The following ZFPM2 variants were observed in gnomAD, a reference collection of about 807,000 sequenced individuals.
ZFPM2 encodes zinc finger protein, FOG family member 2.
Under a neutral mutation model 98.6 loss-of-function variants are expected in ZFPM2, and 20 were observed. The ratio of observed to expected loss-of-function variants is 0.20; its 90% confidence interval spans 0.14 to 0.29. The LOEUF (loss-of-function observed/expected upper bound fraction) is 0.29, where lower values mean the gene tolerates loss of function less well. ZFPM2 is among the 10% of genes least tolerant of loss of function. The pLI is 1.00. For missense variants in ZFPM2, 1,310 were observed against 1,388.6 expected, an observed-to-expected ratio of 0.94 and a Z score of 0.90; for synonymous variants, 518 against 502.7, an observed-to-expected ratio of 1.03 and a Z score of -0.41.
intron 4 of ZFPM2, among the ~76,000 whole-genome samples, chr8:105,583,817 A>G (rs547520860): frequency 6.6e-6 from 1 of 152,306 alleles, no homozygotes; most frequent in African/African-American, 2.4e-5. Flanking sequence ...CAGTCAGGTT[A>G]AGGGGTCAGT....
At chr8:105,756,670 T>C (rs1812604803) in intron 5 of ZFPM2, among the ~76,000 whole-genome samples, 1 of 152,172 alleles carries the variant, frequency 6.6e-6, no homozygotes, top group East Asian at 1.9e-4. Flanking sequence ...TCAATATAAC[T>C]CTTGCACAAT....
chr8:105,389,507 G>A (rs1196723243), intron 1 of ZFPM2, among the ~76,000 whole-genome samples: 1 of 152,126 alleles, frequency 6.6e-6, no homozygotes, highest in Non-Finnish European at 1.5e-5. Flanking sequence ...CCAATTAAGG[G>A]TAGATCCAAA....
chr8:105,349,751 A>G (rs1812607671), intron 1 of ZFPM2, among the ~76,000 whole-genome samples: 2 of 152,240 alleles, frequency 1.3e-5, no homozygotes, highest in Non-Finnish European at 1.5e-5. Flanking sequence ...CAAAAAATAC[A>G]TCTAACTACC....
rs567353284 is a variant in ZFPM2 at position 105,802,755 on chromosome 8, C to G, written c.2673C>G (p.Asp891Glu). 31 of 1,613,390 alleles carry G rather than the reference C, an allele frequency of 1.9e-5. 1 individual carries two copies. The Middle Eastern group carries it at 4.9e-4, about 26-fold the overall frequency. ...AGCGTAATGACCTGGGTCAACTGGACGGCAAAGTGTTTCCGAATCCAGAAA... is the reference window on the plus strand; with the variant it reads ...AGCGTAATGACCTGGGTCAACTGGAGGGCAAAGTGTTTCCGAATCCAGAAA... ...AHQRNDLGQL[D>E]GKVFPNPESE... is the part of the protein sequence containing the mutation. Residue 891 changes from aspartate (D) to glutamate (E), a missense_variant, in exon 8 of 8, where the codon GAC becomes GAG. Coordinates refer to ENST00000407775, the MANE Select transcript of ZFPM2 (RefSeq NM_012082.4).
At chr8:105,706,587 TG>T (rs1811268865) in intron 5 of ZFPM2, among the ~76,000 whole-genome samples, 1 of 152,124 alleles carries the variant, frequency 6.6e-6, no homozygotes, top group South Asian at 2.1e-4. Context: ...TTCTTGTTTT[TG>T]GGTTTTTTTT....
chr8:105,478,080 G>A (rs542970089), intron 3 of ZFPM2, among the ~76,000 whole-genome samples: 2 of 152,310 alleles, frequency 1.3e-5, no homozygotes, highest in African/African-American at 2.4e-5. Flanking sequence ...GCAACAATGA[G>A]TCATTTGACA....
rs1396817228 is a variant in ZFPM2, at chr8:105,793,778, T to C, written c.739+4854T>C. ...AGTCCCATATTTCTTGGAGGCTTTGTTTGTTTCTTTTTATTCTTTTTTCTC... is the reference window on the plus strand; with the variant it reads ...AGTCCCATATTTCTTGGAGGCTTTGCTTGTTTCTTTTTATTCTTTTTTCTC... On this transcript the variant is annotated intron_variant, in intron 6 of 7. Transcript: ENST00000407775. Among the ~76,000 whole-genome samples, 3 of 151,132 alleles carry C rather than the reference T, an allele frequency of 2.0e-5. No individual in the cohort carries two copies. In the East Asian group the frequency reaches 5.8e-4, roughly 29 times the overall value.
At chr8:105,679,537 G>T (rs951826068) in intron 5 of ZFPM2, among the ~76,000 whole-genome samples, 7 of 152,088 alleles carry the variant, frequency 4.6e-5, no homozygotes, top group African/African-American at 1.7e-4. Context: ...TCATGGAAAC[G>T]TACTGGGTGA....
intron 1 of ZFPM2, among the ~76,000 whole-genome samples, chr8:105,369,828 C>T (rs559432865): frequency 4.1e-4 from 62 of 151,902 alleles, no homozygotes; most frequent in Non-Finnish European, 8.4e-4. Context: ...CTTATGGGTG[C>T]AGTGAGAGTG....
chr8:105,688,483 A>T (rs1482726752), intron 5 of ZFPM2, among the ~76,000 whole-genome samples: 3 of 152,166 alleles, frequency 2.0e-5, no homozygotes, highest in Admixed American at 2.0e-4. Flanking sequence ...ATATATAAAC[A>T]TGTAAAATTT....
At chr8:105,450,645 C>G (rs1812466193) in intron 3 of ZFPM2, among the ~76,000 whole-genome samples, 1 of 151,910 alleles carries the variant, frequency 6.6e-6, no homozygotes, top group Non-Finnish European at 1.5e-5. Context: ...TATAATGAAC[C>G]ATCATTTTAT....
At chr8:105,606,977 C>T (rs1206702158) in intron 4 of ZFPM2, among the ~76,000 whole-genome samples, 1 of 152,102 alleles carries the variant, frequency 6.6e-6, no homozygotes, top group East Asian at 1.9e-4. Flanking sequence ...TTATCCTCAG[C>T]TATGCTGTCC....
chr8:105,604,575 G>C (rs1816157879), intron 4 of ZFPM2, among the ~76,000 whole-genome samples: 2 of 151,990 alleles, frequency 1.3e-5, no homozygotes, highest in South Asian at 4.1e-4. Context: ...TCTCTGCCTT[G>C]CTGACTTCAT....
At chr8:105,434,729 A>G (rs978691151) in intron 2 of ZFPM2, among the ~76,000 whole-genome samples, 13 of 152,224 alleles carry the variant, frequency 8.5e-5, no homozygotes, top group Non-Finnish European at 1.9e-4. Flanking sequence ...ACTAACAGCT[A>G]CAGTAACACT....
At chr8:105,456,146 G>GTTTTTTTTTTTTTTT (rs200639878) in intron 3 of ZFPM2, among the ~76,000 whole-genome samples, 2 of 93,284 alleles carry the variant, frequency 2.1e-5, no homozygotes, top group African/African-American at 3.3e-5. Flanking sequence ...CCAGGAAAAT[G>GTTTTTTTTTTTTTTT]TTTTTTTTTG....
chr8:105,370,857 C>G (rs527471495), intron 1 of ZFPM2, among the ~76,000 whole-genome samples: 2 of 152,200 alleles, frequency 1.3e-5, no homozygotes, highest in Non-Finnish European at 2.9e-5. Context: ...GGGATTTGAA[C>G]GCAACTTATC....
chr8:105,487,358 A>G (rs1043327063), intron 3 of ZFPM2, among the ~76,000 whole-genome samples: 13 of 152,134 alleles, frequency 8.5e-5, no homozygotes, highest in Non-Finnish European at 1.6e-4. Context: ...GGCTCAAGCT[A>G]TCCTCTTGCC....
At chr8:105,443,654 A>G (rs1307865328) in intron 2 of ZFPM2, among the ~76,000 whole-genome samples, 3 of 152,172 alleles carry the variant, frequency 2.0e-5, no homozygotes, top group Non-Finnish European at 4.4e-5. Flanking sequence ...TGTGAAAATG[A>G]TGGCATAAAA....
At chr8:105,321,723 T>G (rs1401225099) in intron 1 of ZFPM2, among the ~76,000 whole-genome samples, 3 of 152,090 alleles carry the variant, frequency 2.0e-5, no homozygotes, top group Non-Finnish European at 4.4e-5. Flanking sequence ...AAGGCGACGC[T>G]GAAAGAGCAC....
Sources: gnomAD v4.1 joint callset for allele counts (sites outside exome capture counted in the v4.1 genomes callset) on GRCh38, gnomAD v4.1.1 for gene constraint, MANE v1.5 for transcripts, NCBI Gene and HGNC (gene_info 2026-07-23, HGNC 2026-07-21) for gene names.